The following FBXO42 variants were observed in gnomAD, a reference collection of about 807,000 sequenced individuals.
FBXO42 encodes F-box protein 42.
A neutral mutation model predicts 71.7 loss-of-function variants in FBXO42; 12 were observed. The ratio of observed to expected loss-of-function variants is 0.17; its 90% CI spans 0.11 to 0.27. The LOEUF is 0.27. FBXO42 is among the 10% of genes least tolerant of loss of function. The pLI, the probability that FBXO42 is intolerant of heterozygous loss-of-function variation, is 1.00. For missense variants in FBXO42, 707 were observed against 911.9 expected, an observed-to-expected ratio of 0.78 and a Z score of 2.89; for synonymous variants, 325 against 327.5, an observed-to-expected ratio of 0.99 and a Z score of 0.08.
At chr1:16,254,797 C>T (rs2081622686) in intron 6 of FBXO42, among the ~76,000 whole-genome samples, 1 of 152,206 alleles carries the variant, frequency 6.6e-6, no homozygotes, top group Non-Finnish European at 1.5e-5. Flanking sequence ...TGGCTCCTGA[C>T]TATGGCTTGA....
At chr1:16,324,057 A>T (rs570029628) in intron 1 of FBXO42, among the ~76,000 whole-genome samples, 1 of 152,284 alleles carries the variant, frequency 6.6e-6, no homozygotes, top group South Asian at 2.1e-4. Flanking sequence ...TTTAAAGAAG[A>T]TCATAAAGTG....
chr1:16,297,848 C>G (rs1424207766), intron 3 of FBXO42, among the ~76,000 whole-genome samples: 2 of 119,252 alleles, frequency 1.7e-5, no homozygotes, highest in African/African-American at 6.5e-5. Context: ...GCCTGGGCGA[C>G]AGAGTGAGAC....
intron 3 of FBXO42, among the ~76,000 whole-genome samples, chr1:16,301,839 C>T (rs1449660626): frequency 6.6e-6 from 1 of 151,930 alleles, no homozygotes; most frequent in East Asian, 1.9e-4. Context: ...AGAGATGTTG[C>T]CCAAATTGGT....
At chr1:16,318,091 T>C (rs1218308983) in intron 1 of FBXO42, among the ~76,000 whole-genome samples, 1 of 152,104 alleles carries the variant, frequency 6.6e-6, no homozygotes. Context: ...GTAAAAAATT[T>C]ACTGAGCTGA....
At chr1:16,303,444 T>C (rs919247440) in intron 3 of FBXO42, among the ~76,000 whole-genome samples, 1 of 152,178 alleles carries the variant, frequency 6.6e-6, no homozygotes, top group Non-Finnish European at 1.5e-5. Context: ...AGCAATGACT[T>C]TACAGATTTC....
intron 4 of FBXO42, among the ~76,000 whole-genome samples, chr1:16,281,404 G>A (rs1359246827): frequency 6.6e-6 from 1 of 152,016 alleles, no homozygotes; most frequent in Non-Finnish European, 1.5e-5. Context: ...ACATCTCCTG[G>A]GACAGTATGC....
At chr1:16,321,720 T>C (rs992470562) in intron 1 of FBXO42, among the ~76,000 whole-genome samples, 1 of 151,292 alleles carries the variant, frequency 6.6e-6, no homozygotes, top group Non-Finnish European at 1.5e-5. Flanking sequence ...AAAGATAGGG[T>C]TCTGCTCTGT....
rs1376656312 is a variant in FBXO42, at chr1:16,294,881, A to G, written c.404T>C (p.Val135Ala). 6.2e-7 allele frequency: 1 copy of G among 1,613,598 alleles called. No individual in the cohort carries two copies. The highest frequency in any genetic ancestry group is 8.5e-7 in the Non-Finnish European group (1 of 1,179,886). Reference protein sequence around the residue: ...CYYDANQSMYVFGGCTQSSCN... With the variant: ...CYYDANQSMYAFGGCTQSSCN... ...GCTGCTCTGGGTACAGCCTCCAAAC[A>G]CATACATAGACTGATTAGCATCATA... The change falls in exon 4 of 10, where the codon GTG (valine) becomes GCG (alanine). Residue 135 changes from valine to alanine, a missense_variant. This residue lies in a region of FBXO42 where 188 missense variants were observed against 230.5 expected (regional missense o/e 0.82). Coordinates refer to ENST00000375592, the MANE Select transcript of FBXO42 (RefSeq NM_018994.3).
Position 16,252,634 on chromosome 1 carries a change from A to G in FBXO42, c.922-230T>C, listed in dbSNP as rs142167243. Among the ~76,000 whole-genome samples, 189 of 152,370 alleles carry G rather than the reference A, an allele frequency of 1.2e-3. 1 individual carries two copies. The highest frequency in any genetic ancestry group is 4.4e-3 in the African/African-American group (181 of 41,592). ...GCACATGGAATTGTGCTTGTGACCC[A>G]TGAATCAACTGAGTGGTTTTGACAC... On this transcript the variant is annotated intron_variant, in intron 8 of 9. Transcript: ENST00000375592. The surrounding 1 kb of genome is among the most constrained non-coding windows in gnomAD (Gnocchi z 4.4).
chr1:16,288,819 G>A (rs2082048513), intron 4 of FBXO42, among the ~76,000 whole-genome samples: 1 of 151,882 alleles, frequency 6.6e-6, no homozygotes, highest in African/African-American at 2.4e-5. Flanking sequence ...TTAGCCTGGT[G>A]TGGTGGCACA....
chr1:16,253,547 G>A lies in FBXO42; in HGVS notation c.864+88C>T, dbSNP rs561840962. The A allele has an allele frequency of 1.1e-5, 13 of 1,149,764 alleles. No individual in the cohort carries two copies. In the South Asian group the frequency reaches 1.3e-4, roughly 12 times the overall value. The allele number at this position is 1,149,764 out of a possible 1,614,324, so 71.2% of individuals were successfully genotyped here. ...ATTTTCTTTGGCTTAGTGCATATTG[G>A]CATCTTACCTGACTCCCTCCTCCCT... On this transcript the variant is annotated intron_variant, in intron 7 of 9. Transcript: ENST00000375592.
Position 16,329,451 on chromosome 1 carries a change from G to GT in FBXO42, c.-17-14017dup, listed in dbSNP as rs777414054. Among the ~76,000 whole-genome samples, 4 of 152,028 alleles carry GT rather than the reference G, an allele frequency of 2.6e-5. No homozygotes were observed. The East Asian group carries it at 7.8e-4, about 30-fold the overall frequency. ...TACAAAAAATTAGCCAGGCGTGGCG[G>GT]TGTGCGCCTGTAGTCCCAGCTACTT... On this transcript the variant is annotated intron_variant, in intron 1 of 9. Coordinates refer to ENST00000375592, the MANE Select transcript of FBXO42 (RefSeq NM_018994.3).
chr1:16,269,806 T>C (rs2081820238), intron 4 of FBXO42, among the ~76,000 whole-genome samples: 1 of 152,082 alleles, frequency 6.6e-6, no homozygotes, highest in African/African-American at 2.4e-5. Flanking sequence ...ATTACAGGCA[T>C]GAGCCACCAT....
chr1:16,299,779 G>A (rs190226681), intron 3 of FBXO42, among the ~76,000 whole-genome samples: 7 of 152,022 alleles, frequency 4.6e-5, no homozygotes, highest in African/African-American at 1.7e-4. Flanking sequence ...CGAGTAGTTT[G>A]GACCACAGGC....
At chr1:16,276,703 A>T (rs2081907502) in intron 4 of FBXO42, among the ~76,000 whole-genome samples, 1 of 152,272 alleles carries the variant, frequency 6.6e-6, no homozygotes, top group Admixed American at 6.5e-5. Flanking sequence ...TTGTGGTAAT[A>T]AAACATGAAG....
At chr1:16,350,308 A>G (rs550432564) in intron 1 of FBXO42, among the ~76,000 whole-genome samples, 26 of 152,104 alleles carry the variant, frequency 1.7e-4, no homozygotes, top group Non-Finnish European at 3.2e-4. Flanking sequence ...TTACTGCATT[A>G]ATTTCATGAC....
At position 16,247,036 on chromosome 1, in the gene FBXO42, C is replaced by T. The variant is rs927296196; in HGVS notation, c.*3634G>A. The T allele has an allele frequency of 6.6e-6, 1 of 152,234 alleles. No homozygotes were observed. The highest frequency in any genetic ancestry group is 2.4e-5 in the African/African-American group (1 of 41,458). 9.4% of individuals were successfully genotyped at this position (152,234 alleles called of 1,614,324 possible). A position where few individuals can be genotyped will look rare whatever the true frequency, so the allele number is the denominator to read the frequency against. The stretch of plus-strand genomic sequence containing the variant: ...TGTATGGGAAACATCACTCACAGCA[C>T]CAGCTTCGCCAGGGCACATGGGGTG... On this transcript the variant is annotated 3_prime_UTR_variant, in exon 10 of 10. Coordinates refer to ENST00000375592, the MANE Select transcript of FBXO42 (RefSeq NM_018994.3).
At chr1:16,257,531 A>C (rs770069609) in intron 4 of FBXO42, among the ~76,000 whole-genome samples, 7 of 152,208 alleles carry the variant, frequency 4.6e-5, no homozygotes, top group East Asian at 1.9e-4. Flanking sequence ...AGAGATAACA[A>C]ATGTCTTACA....
chr1:16,282,231 T>C (rs2081972010), intron 4 of FBXO42, among the ~76,000 whole-genome samples: 2 of 143,648 alleles, frequency 1.4e-5, no homozygotes, highest in African/African-American at 2.9e-5. Flanking sequence ...TTTTTTTTTT[T>C]TTTCTTTTTT....
Sources: allele counts gnomAD v4.1 joint callset (sites outside exome capture counted in the v4.1 genomes callset), GRCh38; gene constraint gnomAD v4.1.1; regional missense constraint gnomAD v4.1.1; non-coding constraint Gnocchi (gnomAD v3.1); transcripts MANE v1.5; gene names NCBI Gene and HGNC (gene_info 2026-07-23, HGNC 2026-07-21).